Variants in NLK observed in about 807,000 individuals in gnomAD.
The protein encoded by NLK is nemo like kinase, also known as serine/threonine-protein kinase NLK.
Under a neutral mutation model 59.0 loss-of-function variants are expected in NLK, and 11 were observed. The ratio of observed to expected loss-of-function variants is 0.19; its 90% CI spans 0.12 to 0.31. The LOEUF is 0.31. Among genes scored for constraint, NLK ranks in the 10% least tolerant of loss-of-function variants. The pLI is 1.00. For synonymous variants in NLK, 235 were observed against 235.9 expected (o/e 1.00, Z 0.03); for missense variants, 410 against 661.1 (o/e 0.62, Z 4.16).
At chr17:28,061,904 C>G (rs1026034429) in intron 1 of NLK, 2 of 138,904 alleles carry the variant, frequency 1.4e-5, no homozygotes, top group African/African-American at 5.4e-5. Flanking sequence ...CATATACATA[C>G]ATATATACAT....
rs142124912 is a variant in NLK at position 28,147,987 on chromosome 17, A to G, written c.645-13173A>G. On this transcript the variant is annotated intron_variant, in intron 3 of 10. Transcript: ENST00000407008. ...ATAAAAGAAGGAAAGAAATGGAAAA[A>G]TAAATTTTAAAGATAAACTTTTATG... Among the ~76,000 whole-genome samples the G allele has an allele frequency of 8.4e-3, 1,285 of 152,352 alleles. 16 individuals carry two copies. Among genetic ancestry groups the G allele is most frequent in the African/African-American group, 0.029 (1,207 of 41,574 alleles).
intron 1 of NLK, among the ~76,000 whole-genome samples, chr17:28,051,075 G>C (rs193152182): frequency 7.2e-6 from 1 of 138,770 alleles, no homozygotes; most frequent in African/African-American, 2.8e-5. Flanking sequence ...GTCAGAACCT[G>C]TCTCAAAAAA....
At chr17:28,102,004 CTG>C (rs1904918540) in intron 1 of NLK, among the ~76,000 whole-genome samples, 1 of 152,126 alleles carries the variant, frequency 6.6e-6, no homozygotes, top group African/African-American at 2.4e-5. Context: ...TTTAACCTAT[CTG>C]TATCTTTTGT....
chr17:28,161,670 CCTGT>C (rs1908011586), intron 4 of NLK, among the ~76,000 whole-genome samples: 1 of 152,116 alleles, frequency 6.6e-6, no homozygotes, highest in South Asian at 2.1e-4. Context: ...AGTAGGTGGG[CCTGT>C]CTGAGTATTG....
At chr17:28,108,172 C>T (rs750202142) in intron 1 of NLK, among the ~76,000 whole-genome samples, 1 of 151,850 alleles carries the variant, frequency 6.6e-6, no homozygotes, top group Non-Finnish European at 1.5e-5. Context: ...AGGTTGTAGC[C>T]GAGATCACAT....
intron 3 of NLK, among the ~76,000 whole-genome samples, chr17:28,152,939 T>TTTTTTTA (rs1407736571): frequency 4.0e-5 from 6 of 151,892 alleles, no homozygotes; most frequent in African/African-American, 1.2e-4. Flanking sequence ...TACGTCAGGA[T>TTTTTTTA]TTTTTTATTT....
At chr17:28,065,224 T>C (rs1909787879) in intron 1 of NLK, among the ~76,000 whole-genome samples, 1 of 152,176 alleles carries the variant, frequency 6.6e-6, no homozygotes, top group Non-Finnish European at 1.5e-5. Context: ...CATTATGTTA[T>C]GAATGGTACC....
At chr17:28,049,739 T>G (rs1909182264) in intron 1 of NLK, among the ~76,000 whole-genome samples, 1 of 152,142 alleles carries the variant, frequency 6.6e-6, no homozygotes, top group Non-Finnish European at 1.5e-5. Flanking sequence ...TCCCAGCACT[T>G]TGGGAGGCCG....
Position 28,179,625 on chromosome 17 carries a change from T to A in NLK, c.1150-5554T>A, listed in dbSNP as rs1246050744. On this transcript the variant is annotated intron_variant, in intron 7 of 10. Coordinates refer to ENST00000407008, the MANE Select transcript of NLK (RefSeq NM_016231.5). ...GGCAGACACCTGTAATCCCAGCTAC[T>A]CGGGAGGCTGAGGCAGGAGAATTGC... Among the ~76,000 whole-genome samples, 4 of 152,004 alleles carry A rather than the reference T, an allele frequency of 2.6e-5. No individual in the cohort carries two copies. In the East Asian group the frequency reaches 7.8e-4, roughly 29 times the overall value.
chr17:28,197,710 A>G (rs1038884714), downstream of NLK, among the ~76,000 whole-genome samples: 2 of 151,996 alleles, frequency 1.3e-5, no homozygotes, highest in Non-Finnish European at 2.9e-5. Context: ...ACGATGACTC[A>G]TAAGGCTTAG....
Position 28,132,769 on chromosome 17 carries a change from A to G in NLK, c.644+94A>G, listed in dbSNP as rs555212385. ...TGGGGTTCATGCCTTCAAGTATTTT[A>G]AATCTCATCCTTGCAGAAGTGATTG... is the stretch of plus-strand genomic sequence containing the variant. On this transcript the variant is annotated intron_variant, in intron 3 of 10. Transcript: ENST00000407008. 13 of 1,049,396 alleles carry G rather than the reference A, an allele frequency of 1.2e-5. No individual in the cohort carries two copies. In the East Asian group the frequency reaches 3.1e-4, roughly 25 times the overall value. The allele number at this position is 1,049,396 out of a possible 1,614,324, so 65.0% of individuals were successfully genotyped here.
At chr17:28,147,359 T>C (rs1292337266) in intron 3 of NLK, among the ~76,000 whole-genome samples, 1 of 152,210 alleles carries the variant, frequency 6.6e-6, no homozygotes, top group Admixed American at 6.5e-5. Context: ...GTGGTGACTG[T>C]GTAGCTTTTT....
chr17:28,050,031 A>G (rs1181331004), intron 1 of NLK, among the ~76,000 whole-genome samples: 1 of 152,222 alleles, frequency 6.6e-6, no homozygotes, highest in East Asian at 1.9e-4. Context: ...CAATTATTGT[A>G]TGTTACTATT....
Position 28,178,130 on chromosome 17 carries a change from T to C in NLK, c.1149+5512T>C, listed in dbSNP as rs575118071. On this transcript the variant is annotated intron_variant, in intron 7 of 10. Transcript: ENST00000407008. ...GCTAATAAAGTGAGTATTTAGCTTTTCTGTTCTATATAATAAAGTCAGATA... is the reference window on the plus strand; with the variant it reads ...GCTAATAAAGTGAGTATTTAGCTTTCCTGTTCTATATAATAAAGTCAGATA... Among the ~76,000 whole-genome samples the C allele has an allele frequency of 5.3e-5, 8 of 152,340 alleles. No homozygotes were observed. In the South Asian group the frequency reaches 1.5e-3, roughly 28 times the overall value.
intron 1 of NLK, among the ~76,000 whole-genome samples, chr17:28,091,491 A>G (rs1051363697): frequency 3.3e-5 from 5 of 151,036 alleles, no homozygotes; most frequent in African/African-American, 1.2e-4. Context: ...ATATATATAT[A>G]CACACACACA....
intron 1 of NLK, among the ~76,000 whole-genome samples, chr17:28,121,206 T>C (rs1463878329): frequency 6.8e-6 from 1 of 147,678 alleles, no homozygotes; most frequent in Non-Finnish European, 1.5e-5. Flanking sequence ...CATGAGCCAC[T>C]GAGCCTAGCC....
chr17:28,106,910 T>C (rs1193739924), intron 1 of NLK, among the ~76,000 whole-genome samples: 1 of 152,186 alleles, frequency 6.6e-6, no homozygotes, highest in East Asian at 1.9e-4. Flanking sequence ...TATAATGTAC[T>C]GGTTAATCCC....
rs147634580 is a variant in NLK, at chr17:28,152,962, T to A, written c.645-8198T>A. Among the ~76,000 whole-genome samples the A allele has an allele frequency of 3.1e-4, 47 of 151,758 alleles. 1 individual carries two copies. In the East Asian group the frequency reaches 9.2e-3, roughly 30 times the overall value. ...GATTTTTTTATTTTTTATTTTTTAT[T>A]TTTTTTTCCTGTATAAAAGCTCAAG... On this transcript the variant is annotated intron_variant, in intron 3 of 10. Transcript: ENST00000407008.
chr17:28,159,153 A>G (rs1310165050), intron 3 of NLK, among the ~76,000 whole-genome samples: 2 of 152,254 alleles, frequency 1.3e-5, no homozygotes, highest in African/African-American at 4.8e-5. Flanking sequence ...GAGTGTATCT[A>G]GCATGTTCAG....
Sources: gnomAD v4.1 joint callset for allele counts (sites outside exome capture counted in the v4.1 genomes callset) on GRCh38, gnomAD v4.1.1 for gene constraint, MANE v1.5 for transcripts, NCBI Gene and HGNC (gene_info 2026-07-23, HGNC 2026-07-21) for gene names.